Variants in TUT7 observed in about 807,000 individuals in gnomAD.
The protein encoded by TUT7 is terminal uridylyl transferase 7.
Under a neutral mutation model 165.9 loss-of-function variants are expected in TUT7, and 33 were observed. The ratio of observed to expected loss-of-function variants is 0.20; its 90% confidence interval spans 0.15 to 0.27. The LOEUF (loss-of-function observed/expected upper bound fraction) is 0.27, where lower values mean the gene tolerates loss of function less well. TUT7 is among the 10% of genes least tolerant of loss of function. The pLI, the probability that TUT7 is intolerant of heterozygous loss-of-function variation, is 1.00. For missense variants in TUT7, 1,338 were observed against 1,762.3 expected, an observed-to-expected ratio of 0.76 and a Z score of 4.31; for synonymous variants, 552 against 608.1, an observed-to-expected ratio of 0.91 and a Z score of 1.36.
rs753541405 is a variant in TUT7 at position 86,323,036 on chromosome 9, T to C, written c.2714A>G (p.Tyr905Cys). The change falls in exon 13 of 27, where the codon TAT (tyrosine) becomes TGT (cysteine). Residue 905 changes from tyrosine to cysteine, a missense_variant. By Grantham distance (194) the Tyr-to-Cys change is radical. Coordinates refer to ENST00000375963, the MANE Select transcript of TUT7 (RefSeq NM_024617.4). ...EDDELGEAAK[Y>C]EDVKECGKHV... Reference sequence around the variant, plus strand: ...TTTTCCACATTCTTTCACGTCTTCATACTTAGCAGCTTCGCCTAACTCATC... The same window carrying C: ...TTTTCCACATTCTTTCACGTCTTCACACTTAGCAGCTTCGCCTAACTCATC... The C allele has an allele frequency of 1.2e-6, 2 of 1,614,210 alleles. No homozygotes were observed. Among genetic ancestry groups the C allele is most frequent in the South Asian group, 1.1e-5 (1 of 91,090 alleles).
intron 26 of TUT7, among the ~76,000 whole-genome samples, chr9:86,290,686 CAAA>C (rs749800073): frequency 3.7e-5 from 2 of 54,772 alleles, no homozygotes; most frequent in African/African-American, 6.2e-5. Context: ...TACTAAAATA[CAAA>C]AAAAAAAAAA....
chr9:86,320,945 C>A (rs1444132996), intron 14 of TUT7, among the ~76,000 whole-genome samples: 1 of 152,172 alleles, frequency 6.6e-6, no homozygotes, highest in Non-Finnish European at 1.5e-5. Flanking sequence ...ATTATATAAC[C>A]TGGTCCCTTC....
chr9:86,315,929 G>A (rs150143858), intron 17 of TUT7, among the ~76,000 whole-genome samples: 161 of 151,884 alleles, frequency 1.1e-3, no homozygotes, highest in African/African-American at 3.7e-3. Context: ...TAACTCCTGG[G>A]GAAAAAATTT....
Position 86,340,121 on chromosome 9 carries a change from G to T in TUT7, c.1139-16C>A. Reference sequence around the variant, plus strand: ...ATAAAGGAGTCTGAGGAAAGAAGAAGAAAAATATTAAGTTGGTTAATTAAA... The same window carrying T: ...ATAAAGGAGTCTGAGGAAAGAAGAATAAAAATATTAAGTTGGTTAATTAAA... On this transcript the variant is annotated splice_polypyrimidine_tract_variant and intron_variant, in intron 7 of 26. Coordinates refer to ENST00000375963, the MANE Select transcript of TUT7 (RefSeq NM_024617.4). The T allele has an allele frequency of 6.2e-7, 1 of 1,606,226 alleles. No homozygotes were observed. The highest frequency in any genetic ancestry group is 1.1e-5 in the South Asian group (1 of 90,606).
At chr9:86,309,605 G>C (rs768845356) in intron 19 of TUT7, 29 bp from the exon 20 acceptor site, 1 of 1,545,288 alleles carries the variant, frequency 6.5e-7, no homozygotes, top group African/African-American at 1.4e-5. Context: ...AAGAACAAAG[G>C]AAAGGTCTGT....
intron 25 of TUT7, among the ~76,000 whole-genome samples, 198 bp downstream of exon 25, chr9:86,302,888 C>T (rs1278375189): frequency 5.3e-5 from 8 of 152,152 alleles, no homozygotes; most frequent in African/African-American, 1.7e-4. Flanking sequence ...GGATTACAGG[C>T]GTGAACCACT....
intron 25 of TUT7, chr9:86,301,887 T>G: frequency 1.0e-6 from 1 of 979,506 alleles, no homozygotes. Context: ...ACTTTGACAC[T>G]GATGTAATGA....
At position 86,322,875 on chromosome 9, in the gene TUT7, T is replaced by G. The variant is rs1169669115; in HGVS notation, c.2875A>C (p.Lys959Gln). 1 of 1,589,336 alleles carries G rather than the reference T, an allele frequency of 6.3e-7. No individual in the cohort carries two copies. Among genetic ancestry groups the G allele is most frequent in the South Asian group, 1.2e-5 (1 of 85,388 alleles). Residue 959 changes from lysine (K) to glutamine (Q), a missense_variant and splice_region_variant, in exon 13 of 27, where the codon AAG becomes CAG. Around this residue, in one of 7 missense-constraint regions of TUT7, gnomAD observed 425 missense variants for 474.9 expected, o/e 0.89. Transcript: ENST00000375963. ...TGACTAGTGGTGGTACTGATTACCT[T>G]GCCTTTGGTGAAGATAAGTTTACTG... ...EFSKLIFTKG[K>Q]SPTVVCSLCK...
intron 22 of TUT7, among the ~76,000 whole-genome samples, chr9:86,306,169 G>A (rs1040188390): frequency 1.1e-4 from 16 of 152,092 alleles, no homozygotes; most frequent in Admixed American, 3.3e-4. Flanking sequence ...AGAGAAAAAA[G>A]CGATGACCTT....
intron 18 of TUT7, 53 bp from the exon 19 acceptor site, chr9:86,310,070 C>CTT (rs5898925): frequency 0.038 from 41,337 of 1,097,072 alleles, no homozygotes; most frequent in East Asian, 0.073. Context: ...TAAAGGGTCT[C>CTT]TTTTTTTTTT....
intron 11 of TUT7, among the ~76,000 whole-genome samples, chr9:86,327,215 T>G: frequency 6.6e-6 from 1 of 152,238 alleles, no homozygotes; most frequent in East Asian, 1.9e-4. Context: ...TTTTTAAGCA[T>G]CTCACTGAAA....
At chr9:86,315,608 C>A (rs972891431) in intron 17 of TUT7, among the ~76,000 whole-genome samples, 3 of 152,144 alleles carry the variant, frequency 2.0e-5, no homozygotes, top group Admixed American at 2.0e-4. Flanking sequence ...AATAGTCACG[C>A]TAACTTAGTA....
At chr9:86,292,651 T>C (rs908775630) in intron 26 of TUT7, among the ~76,000 whole-genome samples, 3 of 150,222 alleles carry the variant, frequency 2.0e-5, no homozygotes, top group African/African-American at 7.4e-5. Flanking sequence ...AGGTGGCTCA[T>C]GCCTGTGAGC....
rs1832557023 is a variant in TUT7, at chr9:86,354,270, C to T, written c.-32+1G>A. 6.5e-6 allele frequency: 1 copy of T among 152,938 alleles called. No homozygotes were observed. The highest frequency in any genetic ancestry group is 1.5e-5 in the Non-Finnish European group (1 of 68,178). The allele number at this position is 152,938 out of a possible 1,614,324, so 9.5% of individuals were successfully genotyped here. A position where few individuals can be genotyped will look rare whatever the true frequency, so the allele number is the denominator to read the frequency against. ...GCCGGCGGGGGATGGAACCAACGTA[C>T]CTCCGGGGCCAGGCCGGACAGCTAC... On this transcript the variant is annotated splice_donor_variant, in intron 1 of 26. Coordinates refer to ENST00000375963, the MANE Select transcript of TUT7 (RefSeq NM_024617.4). LOFTEE classifies it low-confidence loss of function (5UTR_SPLICE).
chr9:86,322,877 C>A lies in TUT7; in HGVS notation c.2873G>T (p.Gly958Val). Residue 958 changes from glycine to valine, a missense_variant, in exon 13 of 27, where the codon GGC becomes GTC. By Grantham distance (109) the Gly-to-Val change is moderately radical. This residue lies in a region of TUT7 where 425 missense variants were observed against 474.9 expected (regional missense o/e 0.89). Coordinates refer to ENST00000375963, the MANE Select transcript of TUT7 (RefSeq NM_024617.4). The part of the protein sequence containing the change: ...YEFSKLIFTK[G>V]KSPTVVCSLC... ...ACTAGTGGTGGTACTGATTACCTTG[C>A]CTTTGGTGAAGATAAGTTTACTGAA... is the stretch of plus-strand genomic sequence containing the variant. 6.3e-7 allele frequency: 1 copy of A among 1,591,056 alleles called. No homozygotes were observed. The highest frequency in any genetic ancestry group is 1.7e-5 in the Admixed American group (1 of 57,252).
chr9:86,332,511 C>G (rs924902319), intron 10 of TUT7, among the ~76,000 whole-genome samples: 1 of 151,986 alleles, frequency 6.6e-6, no homozygotes. Context: ...CTCATGGACA[C>G]AAAGAAGGGA....
intron 26 of TUT7, among the ~76,000 whole-genome samples, chr9:86,294,041 C>G (rs1042736907): frequency 3.3e-5 from 5 of 152,148 alleles, no homozygotes; most frequent in Admixed American, 1.3e-4. Flanking sequence ...CCATGGCGCC[C>G]GGCCGCAAGG....
At chr9:86,305,093 T>C (rs1827338090) in intron 23 of TUT7, 99 bp downstream of exon 23, 8 of 1,303,316 alleles carry the variant, frequency 6.1e-6, no homozygotes, top group Non-Finnish European at 8.5e-6. Context: ...CCCAGGAGTT[T>C]GAGACCAGCC....
intron 3 of TUT7, among the ~76,000 whole-genome samples, chr9:86,346,014 G>C (rs1199292344): frequency 6.6e-6 from 1 of 152,092 alleles, no homozygotes; most frequent in Admixed American, 6.5e-5. Flanking sequence ...AACCTCACAA[G>C]TAACTGGGGC....
Sources: allele counts gnomAD v4.1 joint callset (sites outside exome capture counted in the v4.1 genomes callset), GRCh38; gene constraint gnomAD v4.1.1; regional missense constraint gnomAD v4.1.1; transcripts MANE v1.5; gene names NCBI Gene and HGNC (gene_info 2026-07-23, HGNC 2026-07-21).